The following MLLT10 variants were observed in gnomAD, a reference collection of about 807,000 sequenced individuals.
MLLT10 encodes MLLT10 histone lysine methyltransferase DOT1L cofactor.
In MLLT10, 30 loss-of-function variants were observed where a neutral mutation model predicts 129.1. That is an observed-to-expected ratio of 0.23 (90% CI 0.17 to 0.32). MLLT10 has a LOEUF of 0.32. MLLT10 is among the 10% of genes least tolerant of loss of function. The pLI is 1.00. For synonymous variants in MLLT10, 490 were observed against 446.4 expected, an observed-to-expected ratio of 1.10 and a Z score of -1.23; for missense variants, 1,119 against 1,268.3, an observed-to-expected ratio of 0.88 and a Z score of 1.79.
In MLLT10 at chr10:21,623,199, C is replaced by T. The variant is rs560142059; in HGVS notation, c.699+5992C>T. ...ATTATGTAGGCACAATTTATTAAAT[C>T]GTTGGTCATTGGTGATTGAATTCAA... On this transcript the variant is annotated intron_variant, in intron 8 of 22. Transcript: ENST00000307729. Among the ~76,000 whole-genome samples the T allele has an allele frequency of 1.1e-4, 16 of 152,244 alleles. No individual in the cohort carries two copies. In the South Asian group the frequency reaches 2.3e-3, roughly 22 times the overall value.
intron 9 of MLLT10, among the ~76,000 whole-genome samples, chr10:21,663,430 G>A (rs1011259774): frequency 6.6e-6 from 1 of 151,454 alleles, no homozygotes; most frequent in Non-Finnish European, 1.5e-5. Context: ...AGGCTGGAGT[G>A]CAATGGTGTG....
At chr10:21,726,167 C>A in intron 14 of MLLT10, 77 bp from the exon 15 acceptor site, 1 of 942,752 alleles carries the variant, frequency 1.1e-6, no homozygotes, top group African/African-American at 1.7e-5. Flanking sequence ...AATATAATTA[C>A]TAGATCTATT....
intron 5 of MLLT10, among the ~76,000 whole-genome samples, chr10:21,599,655 C>T (rs1271689699): frequency 1.3e-5 from 2 of 152,134 alleles, no homozygotes; most frequent in African/African-American, 4.8e-5. Flanking sequence ...GCCTCGACCT[C>T]TTGGGCTCAA....
chr10:21,678,873 C>G (rs1049249141), intron 11 of MLLT10, among the ~76,000 whole-genome samples: 1 of 152,150 alleles, frequency 6.6e-6, no homozygotes, highest in Non-Finnish European at 1.5e-5. Flanking sequence ...TGAAATAGGA[C>G]AGCTCCTCTT....
intron 9 of MLLT10, among the ~76,000 whole-genome samples, chr10:21,666,186 G>A (rs1430850387): frequency 2.0e-5 from 3 of 152,072 alleles, no homozygotes; most frequent in East Asian, 1.9e-4. Context: ...GTATAGCGTC[G>A]TTAGCCTATC....
chr10:21,711,621 C>T (rs925258743), intron 13 of MLLT10, among the ~76,000 whole-genome samples: 2 of 151,506 alleles, frequency 1.3e-5, no homozygotes, highest in African/African-American at 2.4e-5. Context: ...TGGCATTCGC[C>T]TGTGGTCCCA....
chr10:21,653,084 A>G (rs148841428), intron 9 of MLLT10, among the ~76,000 whole-genome samples: 4 of 152,318 alleles, frequency 2.6e-5, no homozygotes, highest in African/African-American at 9.6e-5. Context: ...TTAGTTTTCT[A>G]TTGCAGTTGA....
intron 9 of MLLT10, 38 bp from the exon 10 acceptor site, chr10:21,670,411 C>A: frequency 1.3e-6 from 2 of 1,556,140 alleles, no homozygotes; most frequent in South Asian, 1.2e-5. Flanking sequence ...AAAATGTAAT[C>A]AACTCTTTTT....
intron 2 of MLLT10, among the ~76,000 whole-genome samples, chr10:21,536,441 G>C (rs2034015269): frequency 6.6e-6 from 1 of 152,148 alleles, no homozygotes; most frequent in African/African-American, 2.4e-5. Context: ...TCCCAATATA[G>C]AAAATTTTTA....
intron 4 of MLLT10, among the ~76,000 whole-genome samples, chr10:21,591,826 C>CA (rs1409812283): frequency 1.3e-5 from 2 of 151,884 alleles, no homozygotes; most frequent in African/African-American, 4.8e-5. Flanking sequence ...CAGGTTCAAG[C>CA]AGTCCTGCCT....
intron 8 of MLLT10, among the ~76,000 whole-genome samples, chr10:21,629,646 G>A (rs185443822): frequency 6.6e-6 from 1 of 152,284 alleles, no homozygotes; most frequent in Admixed American, 6.5e-5. Context: ...AGTCTACAGA[G>A]GAAATAAAAG....
intron 5 of MLLT10, among the ~76,000 whole-genome samples, chr10:21,602,124 T>G (rs1407293652): frequency 6.6e-6 from 1 of 152,208 alleles, no homozygotes; most frequent in Non-Finnish European, 1.5e-5. Context: ...ATTTAGAAGC[T>G]ATTTTCACCT....
At chr10:21,651,525 G>T in intron 8 of MLLT10, 148 bp from the exon 9 acceptor site, 1 of 578,574 alleles carries the variant, frequency 1.7e-6, no homozygotes, top group Non-Finnish European at 3.1e-6. Context: ...AGTATTACTT[G>T]TTTATAAAAC....
intron 9 of MLLT10, among the ~76,000 whole-genome samples, chr10:21,664,945 T>TTTTTTTTTTA (rs2050607588): frequency 1.4e-5 from 1 of 73,720 alleles, no homozygotes; most frequent in East Asian, 3.7e-4. Context: ...TTTTCTTTTC[T>TTTTTTTTTTA]TTTTTTTTTT....
intron 14 of MLLT10, among the ~76,000 whole-genome samples, chr10:21,724,415 TTG>T (rs1244199114): frequency 3.3e-5 from 5 of 152,246 alleles, no homozygotes; most frequent in African/African-American, 9.6e-5. Context: ...AACTACTGTG[TTG>T]TCTTAGTCTC....
At chr10:21,642,378 C>T (rs193143229) in intron 8 of MLLT10, among the ~76,000 whole-genome samples, 19 of 150,482 alleles carry the variant, frequency 1.3e-4, no homozygotes, top group Non-Finnish European at 2.2e-4. Context: ...AAGAAGTAGC[C>T]GGGCGCGGTG....
chr10:21,578,103 C>T (rs1406900958), intron 3 of MLLT10, among the ~76,000 whole-genome samples: 4 of 150,584 alleles, frequency 2.7e-5, no homozygotes, highest in Non-Finnish European at 5.9e-5. Flanking sequence ...CCATGATGGC[C>T]AGGCTAGTCT....
chr10:21,728,340 A>T (rs80033475), intron 16 of MLLT10, among the ~76,000 whole-genome samples: 1 of 152,210 alleles, frequency 6.6e-6, no homozygotes, highest in East Asian at 1.9e-4. Flanking sequence ...GTCGTGTGGT[A>T]GATCACTAAA....
chr10:21,740,273 G>T (rs964918860), intron 22 of MLLT10, 37 bp downstream of exon 22: 4 of 1,590,572 alleles, frequency 2.5e-6, no homozygotes, highest in African/African-American at 1.3e-5. Context: ...AATGAAACAA[G>T]AACTGTATTG....
Sources: allele counts gnomAD v4.1 joint callset (sites outside exome capture counted in the v4.1 genomes callset), GRCh38; gene constraint gnomAD v4.1.1; transcripts MANE v1.5; gene names NCBI Gene and HGNC (gene_info 2026-07-23, HGNC 2026-07-21).